The following TENM4 variants were observed in gnomAD, a reference collection of about 807,000 sequenced individuals.
TENM4 encodes teneurin transmembrane protein 4.
In TENM4, 82 loss-of-function variants were observed where a neutral mutation model predicts 243.3. The observed-to-expected ratio is 0.34, with a 90% CI of 0.28 to 0.40. TENM4 has a LOEUF of 0.40. Ranked by LOEUF, TENM4 falls within the 10% of genes least tolerant of loss-of-function variation. TENM4 has a pLI of 1.00. For missense variants in TENM4, 3,138 were observed against 3,673.3 expected (o/e 0.85, Z 3.77); for synonymous variants, 1,412 against 1,456.3 (o/e 0.97, Z 0.69).
intron 9 of TENM4, among the ~76,000 whole-genome samples, chr11:78,886,862 C>T (rs950012231): frequency 6.6e-6 from 1 of 152,224 alleles, no homozygotes; most frequent in Non-Finnish European, 1.5e-5. Context: ...AGTGAACTGA[C>T]CATTCCTGGC....
Position 78,973,861 on chromosome 11 carries a change from C to G in TENM4, c.494-70338G>C, listed in dbSNP as rs116729404. Reference sequence around the variant, plus strand: ...AAATAGCATGGTCAGGGAAGCCCTCCCTGAGGAGGTGACATTTAAGCAGAG... The same window carrying G: ...AAATAGCATGGTCAGGGAAGCCCTCGCTGAGGAGGTGACATTTAAGCAGAG... On this transcript the variant is annotated intron_variant, in intron 6 of 33. Transcript: ENST00000278550. 5.8e-3 allele frequency among the ~76,000 whole-genome samples: 883 copies of G among 151,818 alleles called. 15 individuals carry two copies. Among genetic ancestry groups the G allele is most frequent in the African/African-American group, 0.02 (843 of 41,408 alleles).
At position 79,044,284 on chromosome 11, in the gene TENM4, CA is replaced by C. The variant is rs1859605895; in HGVS notation, c.493+20453del. Among the ~76,000 whole-genome samples the C allele has an allele frequency of 3.9e-5, 6 of 152,210 alleles. No homozygotes were observed. The South Asian group carries it at 1.2e-3, about 32-fold the overall frequency. Reference sequence around the variant, plus strand: ...AACACAAACATAAAGAATGTCATTCCAAAGTCACAGGTTTGTGAAATTACTG... The same window carrying C: ...AACACAAACATAAAGAATGTCATTCCAAGTCACAGGTTTGTGAAATTACTG... On this transcript the variant is annotated intron_variant, in intron 6 of 33. Coordinates refer to ENST00000278550, the MANE Select transcript of TENM4 (RefSeq NM_001098816.3).
At chr11:78,964,035 AC>A (rs1191519446) in intron 6 of TENM4, among the ~76,000 whole-genome samples, 5 of 96,288 alleles carry the variant, frequency 5.2e-5, no homozygotes, top group African/African-American at 2.1e-4. Flanking sequence ...CCACACCCAG[AC>A]TTTTTTTTTT....
rs1213357860 is a variant in TENM4 at position 78,903,320 on chromosome 11, C to T, written c.697G>A (p.Ala233Thr). The T allele has an allele frequency of 1.3e-6, 2 of 1,482,738 alleles. No homozygotes were observed. Among genetic ancestry groups the T allele is most frequent in the East Asian group, 5.3e-5 (2 of 37,924 alleles). The allele number at this position is 1,482,738 out of a possible 1,614,324, so 91.8% of individuals were successfully genotyped here. A position where few individuals can be genotyped will look rare whatever the true frequency, so the allele number is the denominator to read the frequency against. ...EPPAGGAQEP[A>T]HAQENWLLNS... ...AGCAGCCAGTTCTCCTGGGCGTGGG[C>T]AGGCTCCTGGGCGCCGCCGGCAGGG... The change falls in exon 7 of 34, where the codon GCC (alanine) becomes ACC (threonine). Residue 233 changes from alanine to threonine, a missense_variant. Physicochemically the swap from Ala to Thr is moderately conservative, Grantham distance 58 (BLOSUM62 0). Around this residue, in one of 2 missense-constraint regions of TENM4, gnomAD observed 671 missense variants for 614.1 expected, o/e 1.09. Coordinates refer to ENST00000278550, the MANE Select transcript of TENM4 (RefSeq NM_001098816.3).
chr11:78,811,531 A>T (rs1286707665), intron 14 of TENM4, among the ~76,000 whole-genome samples: 2 of 152,098 alleles, frequency 1.3e-5, no homozygotes, highest in East Asian at 3.9e-4. Flanking sequence ...TTTATAAAGG[A>T]GAGGCATGCT....
intron 12 of TENM4, among the ~76,000 whole-genome samples, chr11:78,824,116 C>T (rs545153383): frequency 2.6e-5 from 4 of 152,096 alleles, no homozygotes; most frequent in Non-Finnish European, 4.4e-5. Context: ...ACTGCCAATC[C>T]GGTTAAAAAA....
At chr11:79,310,804 A>C (rs1466816786) in intron 1 of TENM4, among the ~76,000 whole-genome samples, 1 of 152,034 alleles carries the variant, frequency 6.6e-6, no homozygotes, top group African/African-American at 2.4e-5. Flanking sequence ...GGAAGAGGGG[A>C]TGATTATGGG....
chr11:78,993,651 T>C (rs971311257), intron 6 of TENM4, among the ~76,000 whole-genome samples: 2 of 152,132 alleles, frequency 1.3e-5, no homozygotes, highest in Non-Finnish European at 2.9e-5. Flanking sequence ...AATCTGCTGT[T>C]AAACCCAACA....
intron 3 of TENM4, among the ~76,000 whole-genome samples, chr11:79,189,832 G>A (rs1259379660): frequency 6.6e-6 from 1 of 152,198 alleles, no homozygotes; most frequent in Non-Finnish European, 1.5e-5. Context: ...TGCTGGTTTT[G>A]CCAACTCAGA....
chr11:79,359,979 A>G (rs1857564037), intron 1 of TENM4, among the ~76,000 whole-genome samples: 1 of 152,206 alleles, frequency 6.6e-6, no homozygotes, highest in Non-Finnish European at 1.5e-5. Context: ...TGGCATGTAC[A>G]GTTGATAACC....
chr11:78,993,295 T>C (rs1384519912), intron 6 of TENM4, among the ~76,000 whole-genome samples: 1 of 152,106 alleles, frequency 6.6e-6, no homozygotes, highest in African/African-American at 2.4e-5. Flanking sequence ...AAAAGGGGAA[T>C]TTATGTCTTT....
intron 1 of TENM4, among the ~76,000 whole-genome samples, chr11:79,389,014 A>G (rs1191816431): frequency 6.6e-6 from 1 of 152,250 alleles, no homozygotes; most frequent in Non-Finnish European, 1.5e-5. Context: ...AGAGGTTGGC[A>G]GCACCAGATC....
At chr11:79,022,497 C>T (rs559457053) in intron 6 of TENM4, among the ~76,000 whole-genome samples, 10 of 152,248 alleles carry the variant, frequency 6.6e-5, no homozygotes, top group East Asian at 3.9e-4. Context: ...GAGAGCAGTC[C>T]GCACTCTCAT....
At chr11:79,204,020 T>G (rs114085868) in intron 3 of TENM4, among the ~76,000 whole-genome samples, 2,160 of 152,258 alleles carry the variant, frequency 0.014, 28 homozygotes, top group African/African-American at 0.037. Flanking sequence ...ATTTCCAGAA[T>G]AGACAAATCC....
intron 1 of TENM4, among the ~76,000 whole-genome samples, chr11:79,337,626 C>G (rs902715363): frequency 6.6e-6 from 1 of 152,168 alleles, no homozygotes; most frequent in African/African-American, 2.4e-5. Context: ...TGGACCATAA[C>G]CTATGAAAAA....
At chr11:79,149,595 G>T (rs1415729024) in intron 3 of TENM4, among the ~76,000 whole-genome samples, 1 of 151,988 alleles carries the variant, frequency 6.6e-6, no homozygotes, top group Non-Finnish European at 1.5e-5. Context: ...TAACTTAATT[G>T]CACTGTGGTA....
chr11:79,288,119 C>T (rs1403515886), intron 2 of TENM4, among the ~76,000 whole-genome samples: 1 of 152,214 alleles, frequency 6.6e-6, no homozygotes, highest in African/African-American at 2.4e-5. Context: ...GCACAGAAAC[C>T]CAGGTTGGTC....
chr11:78,936,586 T>C (rs1856789814), intron 6 of TENM4, among the ~76,000 whole-genome samples: 1 of 152,208 alleles, frequency 6.6e-6, no homozygotes, highest in Non-Finnish European at 1.5e-5. Context: ...ACTATGTGCC[T>C]AGCACTTTTC....
chr11:79,426,969 C>T (rs1000123758), intron 1 of TENM4, among the ~76,000 whole-genome samples: 2 of 152,200 alleles, frequency 1.3e-5, no homozygotes, highest in African/African-American at 4.8e-5. Context: ...CTAGATCAAT[C>T]TTAATGACCT....
Sources: gnomAD v4.1 joint callset for allele counts (sites outside exome capture counted in the v4.1 genomes callset) on GRCh38, gnomAD v4.1.1 for gene constraint, gnomAD v4.1.1 regional missense constraint, MANE v1.5 for transcripts, NCBI Gene and HGNC (gene_info 2026-07-23, HGNC 2026-07-21) for gene names.